ELAVL2: variants seen among roughly 807,000 people sequenced by gnomAD.
ELAVL2 encodes ELAV like RNA binding protein 2, also known as ELAV-like protein 2.
In ELAVL2, 4 loss-of-function variants were observed where a neutral mutation model predicts 34.6. That is an observed-to-expected ratio of 0.12 (90% CI 0.06 to 0.26). The LOEUF (loss-of-function observed/expected upper bound fraction) is 0.26. ELAVL2 is among the 10% of genes least tolerant of loss of function. ELAVL2 has a pLI of 1.00. For missense variants in ELAVL2, 432 were observed against 442.8 expected (o/e 0.98, Z 0.22); for synonymous variants, 193 against 154.8 (o/e 1.25, Z -1.83).
intron 1 of ELAVL2, chr9:23,765,027 T>C: frequency 1.2e-6 from 2 of 1,609,690 alleles, no homozygotes; most frequent in South Asian, 1.1e-5. Context: ...AAGGCTCTGC[T>C]GCCCACGAAC....
intron 1 of ELAVL2, chr9:23,765,163 G>C (rs1042670163): frequency 1.4e-6 from 2 of 1,461,956 alleles, no homozygotes; most frequent in African/African-American, 2.9e-5. Context: ...AAATCAGTTT[G>C]TACAAAATTT....
At chr9:23,813,339 T>C (rs1363689222) in intron 1 of ELAVL2, among the ~76,000 whole-genome samples, 3 of 150,944 alleles carry the variant, frequency 2.0e-5, no homozygotes, top group Non-Finnish European at 2.9e-5. Context: ...GGCTGAAGAC[T>C]GAAAAAAATA....
chr9:23,804,399 A>G (rs1380746631), intron 1 of ELAVL2, among the ~76,000 whole-genome samples: 1 of 152,146 alleles, frequency 6.6e-6, no homozygotes, highest in Non-Finnish European at 1.5e-5. Context: ...GGAAAAGTAA[A>G]TACTTAATAC....
intron 3 of ELAVL2, among the ~76,000 whole-genome samples, chr9:23,719,071 C>T (rs1434001117): frequency 6.6e-6 from 1 of 152,158 alleles, no homozygotes; most frequent in African/African-American, 2.4e-5. Flanking sequence ...CTATGCAACA[C>T]CTGCAGAAAT....
rs1173489380 is a variant in ELAVL2 at position 23,690,752 on chromosome 9, G to C, written c.*1805C>G. The C allele has an allele frequency of 1.3e-5, 2 of 152,546 alleles. No homozygotes were observed. Among genetic ancestry groups the C allele is most frequent in the Non-Finnish European group, 2.9e-5 (2 of 67,996 alleles). 9.4% of individuals were successfully genotyped at this position (152,546 alleles called of 1,614,324 possible). ...GTGAGCATCTCAGTTTATACAAAAA[G>C]CAGGACGTAACTATATAGTTCTCAG... On this transcript the variant is annotated 3_prime_UTR_variant, in exon 7 of 7. Transcript: ENST00000397312.
chr9:23,758,087 C>T (rs943985243), intron 2 of ELAVL2, among the ~76,000 whole-genome samples: 2 of 152,044 alleles, frequency 1.3e-5, no homozygotes, highest in African/African-American at 2.4e-5. Flanking sequence ...AATCGGAATA[C>T]AGAAATGGGT....
chr9:23,830,624 A>ACACACACACACC (rs34847005), upstream of ELAVL2, among the ~76,000 whole-genome samples: 2 of 124,074 alleles, frequency 1.6e-5, no homozygotes, highest in Non-Finnish European at 3.5e-5. Context: ...ACACACACAC[A>ACACACACACACC]CCTTTTTTTT....
At chr9:23,753,005 T>C (rs1054974100) in intron 2 of ELAVL2, among the ~76,000 whole-genome samples, 1 of 152,160 alleles carries the variant, frequency 6.6e-6, no homozygotes, top group African/African-American at 2.4e-5. Flanking sequence ...TCAAAAAATA[T>C]TTGATTACAT....
chr9:23,783,106 A>G lies in ELAVL2; in HGVS notation c.-15-20857T>C, dbSNP rs575444494. On this transcript the variant is annotated intron_variant, in intron 1 of 6. Coordinates refer to ENST00000397312, the MANE Select transcript of ELAVL2 (RefSeq NM_004432.5). ...CAACAAACTCTTATCTCAAAAGGGCAATAAGCATACCTGGAATTTACTCCA... is the reference window on the plus strand; with the variant it reads ...CAACAAACTCTTATCTCAAAAGGGCGATAAGCATACCTGGAATTTACTCCA... Among the ~76,000 whole-genome samples, 17 of 152,316 alleles carry G rather than the reference A, an allele frequency of 1.1e-4. No individual in the cohort carries two copies. In the East Asian group the frequency reaches 2.5e-3, roughly 23 times the overall value.
chr9:23,716,793 A>T (rs1222295547), intron 3 of ELAVL2, among the ~76,000 whole-genome samples: 1 of 152,228 alleles, frequency 6.6e-6, no homozygotes, highest in African/African-American at 2.4e-5. Context: ...AGGGCCATGT[A>T]GGCAGAGAAT....
At chr9:23,700,257 G>T (rs2036725171) in intron 5 of ELAVL2, among the ~76,000 whole-genome samples, 1 of 152,102 alleles carries the variant, frequency 6.6e-6, no homozygotes, top group Non-Finnish European at 1.5e-5. Context: ...AGCATTCTGG[G>T]TATAGTGTAC....
chr9:23,819,769 G>A (rs1269346036), intron 1 of ELAVL2, among the ~76,000 whole-genome samples: 1 of 152,118 alleles, frequency 6.6e-6, no homozygotes, highest in Non-Finnish European at 1.5e-5. Context: ...TTACAAAGGA[G>A]GAATCACAGA....
chr9:23,721,918 T>C (rs2043831510), intron 3 of ELAVL2, among the ~76,000 whole-genome samples: 1 of 152,186 alleles, frequency 6.6e-6, no homozygotes, highest in South Asian at 2.1e-4. Flanking sequence ...TAGTCAACAG[T>C]AGGCTACTAG....
intron 6 of ELAVL2, 53 bp downstream of exon 6, chr9:23,693,395 A>AAACC: frequency 6.2e-7 from 1 of 1,609,268 alleles, no homozygotes; most frequent in Non-Finnish European, 8.5e-7. Flanking sequence ...AAAATCAAAG[A>AAACC]AACCAATCAA....
chr9:23,845,779 GCT>G, the ELAVL2 span, among the ~76,000 whole-genome samples: 6 of 151,374 alleles, frequency 4.0e-5, no homozygotes, highest in East Asian at 1.9e-4. Flanking sequence ...TAATGTGTGA[GCT>G]CTCTGCATTT....
At chr9:23,719,537 T>C (rs1184960199) in intron 3 of ELAVL2, among the ~76,000 whole-genome samples, 1 of 152,190 alleles carries the variant, frequency 6.6e-6, no homozygotes, top group Non-Finnish European at 1.5e-5. Flanking sequence ...GGGAAAACAC[T>C]GTAAGCCTTT....
chr9:23,741,377 C>T (rs1172575284), intron 2 of ELAVL2, among the ~76,000 whole-genome samples: 1 of 152,178 alleles, frequency 6.6e-6, no homozygotes, highest in African/African-American at 2.4e-5. Context: ...AGGAAGGAGG[C>T]ACACGAGGGA....
chr9:23,698,375 A>G (rs1329025), intron 5 of ELAVL2, among the ~76,000 whole-genome samples: 150,141 of 152,316 alleles, frequency 0.99, 74,006 homozygotes, highest in East Asian at 1. Context: ...TTATTCATAG[A>G]TTGACTAAGC....
At position 23,790,886 on chromosome 9, in the gene ELAVL2, T is replaced by A. The variant is rs138780146; in HGVS notation, c.-15-28637A>T. Among the ~76,000 whole-genome samples the A allele has an allele frequency of 3.3e-5, 5 of 152,292 alleles. No individual in the cohort carries two copies. In the East Asian group the frequency reaches 7.7e-4, roughly 24 times the overall value. On this transcript the variant is annotated intron_variant, in intron 1 of 6. Transcript: ENST00000397312. Reference sequence around the variant, plus strand: ...AACACAAACATCGCAGGTCTCCTGATGAACACTTAACCTCTACATGTTCTC... The same window carrying A: ...AACACAAACATCGCAGGTCTCCTGAAGAACACTTAACCTCTACATGTTCTC...
Sources: gnomAD v4.1 joint callset for allele counts (sites outside exome capture counted in the v4.1 genomes callset) on GRCh38, gnomAD v4.1.1 for gene constraint, MANE v1.5 for transcripts, NCBI Gene and HGNC (gene_info 2026-07-23, HGNC 2026-07-21) for gene names.